TMEM108: variants seen among roughly 807,000 people sequenced by gnomAD.
TMEM108 encodes the protein transmembrane protein 108.
Under a neutral mutation model 35.1 loss-of-function variants are expected in TMEM108, and 12 were observed. That is an observed-to-expected ratio of 0.34 (90% confidence interval 0.22 to 0.55). TMEM108 has a LOEUF of 0.55. Ranked by LOEUF, TMEM108 falls within the 20% of genes least tolerant of loss-of-function variation. The probability of loss-of-function intolerance (pLI) is 0.89; values close to 1 mark genes in which losing one functional copy is unlikely to be tolerated. For synonymous variants in TMEM108, 287 were observed against 308.6 expected (o/e 0.93, Z 0.73); for missense variants, 680 against 753.3 (o/e 0.90, Z 1.14).
chr3:133,344,316 C>T (rs1394726679), intron 3 of TMEM108, among the ~76,000 whole-genome samples: 1 of 151,604 alleles, frequency 6.6e-6, no homozygotes, highest in Non-Finnish European at 1.5e-5. Flanking sequence ...GTTAAAAATT[C>T]AAATATCGAT....
intron 2 of TMEM108, among the ~76,000 whole-genome samples, chr3:133,221,247 T>C (rs751363397): frequency 6.6e-6 from 1 of 152,208 alleles, no homozygotes; most frequent in Non-Finnish European, 1.5e-5. Flanking sequence ...TTGATTTTTC[T>C]GGTGACCAGC....
At chr3:133,295,645 C>T (rs1221630679) in intron 3 of TMEM108, among the ~76,000 whole-genome samples, 1 of 152,182 alleles carries the variant, frequency 6.6e-6, no homozygotes, top group Non-Finnish European at 1.5e-5. Flanking sequence ...CAAGATGTTC[C>T]AACCTCCAGT....
intron 3 of TMEM108, among the ~76,000 whole-genome samples, chr3:133,267,303 A>G (rs1238004828): frequency 6.6e-6 from 1 of 152,178 alleles, no homozygotes; most frequent in Non-Finnish European, 1.5e-5. Flanking sequence ...ATAACTACAC[A>G]TTATAGCAAA....
chr3:133,387,408 A>T, intron 4 of TMEM108: 1 of 985,470 alleles, frequency 1.0e-6, no homozygotes, highest in Non-Finnish European at 1.2e-6. Context: ...GAGAAATATA[A>T]TCAGGCCAGG....
In TMEM108 at chr3:133,082,348, A is replaced by G; in HGVS notation, c.-47+36328A>G. ...TCCATCTTACAGGAGTGGGTGGCAA[A>G]GGAACCTGAATTCCTTGAACTCACC... On this transcript the variant is annotated intron_variant, in intron 2 of 5. Coordinates refer to ENST00000321871, the MANE Select transcript of TMEM108 (RefSeq NM_023943.4). Among the ~76,000 whole-genome samples, 2 of 152,234 alleles carry G rather than the reference A, an allele frequency of 1.3e-5. 1 individual carries two copies. The highest frequency in any genetic ancestry group is 4.1e-4 in the South Asian group (2 of 4,836).
rs189722960 is a variant in TMEM108 at position 133,327,283 on chromosome 3, C to A, written c.41-52469C>A. 4.1e-3 allele frequency among the ~76,000 whole-genome samples: 630 copies of A among 152,282 alleles called. 3 individuals are homozygous for A. The highest frequency in any genetic ancestry group is 0.017 in the Middle Eastern group (5 of 294). Reference sequence around the variant, plus strand: ...AGCACTGGGCTTTCTTTGAAGAAAGCCACATTTTTTGACCATATTAAAGTT... The same window carrying A: ...AGCACTGGGCTTTCTTTGAAGAAAGACACATTTTTTGACCATATTAAAGTT... On this transcript the variant is annotated intron_variant, in intron 3 of 5. Coordinates refer to ENST00000321871, the MANE Select transcript of TMEM108 (RefSeq NM_023943.4).
At chr3:133,362,834 A>G (rs888293028) in intron 3 of TMEM108, among the ~76,000 whole-genome samples, 1 of 152,200 alleles carries the variant, frequency 6.6e-6, no homozygotes, top group African/African-American at 2.4e-5. Flanking sequence ...AATACAGGAA[A>G]TAATAAACAC....
intron 2 of TMEM108, among the ~76,000 whole-genome samples, chr3:133,059,889 G>C (rs1009733490): frequency 1.3e-5 from 2 of 152,148 alleles, no homozygotes; most frequent in African/African-American, 4.8e-5. Flanking sequence ...TCTCCCTGTA[G>C]ACCAAGCATG....
intron 3 of TMEM108, among the ~76,000 whole-genome samples, chr3:133,250,285 C>A (rs1405911377): frequency 6.6e-6 from 1 of 152,148 alleles, no homozygotes. Context: ...TCTACCTCAG[C>A]CTACGTGAAG....
chr3:133,337,577 G>T (rs1056414573), intron 3 of TMEM108, among the ~76,000 whole-genome samples: 1 of 152,076 alleles, frequency 6.6e-6, no homozygotes, highest in Non-Finnish European at 1.5e-5. Flanking sequence ...TCTTAAGAAG[G>T]ATGGTTACAA....
chr3:133,236,639 T>C (rs576610518), intron 3 of TMEM108, among the ~76,000 whole-genome samples: 1 of 152,254 alleles, frequency 6.6e-6, no homozygotes, highest in African/African-American at 2.4e-5. Flanking sequence ...GAAAACACTT[T>C]AAAGTGAGAG....
intron 2 of TMEM108, among the ~76,000 whole-genome samples, chr3:133,079,658 T>G (rs1943785798): frequency 6.6e-6 from 1 of 152,158 alleles, no homozygotes; most frequent in Admixed American, 6.6e-5. Context: ...ACATTAGGAT[T>G]AGGTTCAGCA....
chr3:133,342,543 G>GATAT (rs2071687866), intron 3 of TMEM108, among the ~76,000 whole-genome samples: 4 of 16,234 alleles, frequency 2.5e-4, no homozygotes, highest in African/African-American at 1.3e-3. Flanking sequence ...AAGAAAATGT[G>GATAT]GTATATATAT....
intron 3 of TMEM108, among the ~76,000 whole-genome samples, chr3:133,235,795 G>A (rs1404619458): frequency 1.3e-5 from 2 of 152,056 alleles, no homozygotes; most frequent in Non-Finnish European, 2.9e-5. Flanking sequence ...AGGCAAGTGG[G>A]GCATTATTAT....
At position 133,233,816 on chromosome 3, in the gene TMEM108, C is replaced by G. The variant is rs1448725258; in HGVS notation, c.40+4465C>G. 9.3e-5 allele frequency among the ~76,000 whole-genome samples: 14 copies of G among 151,192 alleles called. No individual in the cohort carries two copies. In the South Asian group the frequency reaches 1.3e-3, roughly 14 times the overall value. On this transcript the variant is annotated intron_variant, in intron 3 of 5. Coordinates refer to ENST00000321871, the MANE Select transcript of TMEM108 (RefSeq NM_023943.4). ...TGATGATGAGCATTTTTTCATGTGT[C>G]TTTTGGCTGCATAAATGTCTTCTTT...
chr3:133,304,290 T>C (rs1947270973), intron 3 of TMEM108, among the ~76,000 whole-genome samples: 1 of 152,200 alleles, frequency 6.6e-6, no homozygotes, highest in Admixed American at 6.5e-5. Context: ...GACAGAGAAG[T>C]CTCATATATT....
intron 3 of TMEM108, among the ~76,000 whole-genome samples, chr3:133,298,295 C>G (rs1947173465): frequency 6.6e-6 from 1 of 152,146 alleles, no homozygotes; most frequent in South Asian, 2.1e-4. Context: ...ATCAGAGGCC[C>G]AAGAAGAATG....
chr3:133,123,309 T>C (rs993912974), intron 2 of TMEM108, among the ~76,000 whole-genome samples: 2 of 152,228 alleles, frequency 1.3e-5, no homozygotes, highest in Non-Finnish European at 2.9e-5. Flanking sequence ...TTTTTGTATA[T>C]ATCTTTTTGC....
At chr3:133,072,313 A>G (rs1005456751) in intron 2 of TMEM108, among the ~76,000 whole-genome samples, 6 of 152,142 alleles carry the variant, frequency 3.9e-5, no homozygotes, top group African/African-American at 1.2e-4. Context: ...TATAATGAAT[A>G]TGACACTGCT....
Sources: gnomAD v4.1 joint callset for allele counts (sites outside exome capture counted in the v4.1 genomes callset) on GRCh38, gnomAD v4.1.1 for gene constraint, MANE v1.5 for transcripts, NCBI Gene and HGNC (gene_info 2026-07-23, HGNC 2026-07-21) for gene names.